The following PHACTR3 variants were observed in gnomAD, a reference collection of about 807,000 sequenced individuals.
PHACTR3 encodes the protein protein phosphatase 1, regulatory subunit 123.
In PHACTR3, 16 loss-of-function variants were observed where a neutral mutation model predicts 66.8. The observed-to-expected ratio is 0.24, with a 90% CI of 0.16 to 0.36. PHACTR3 has a LOEUF of 0.36. Ranked by LOEUF, PHACTR3 falls within the 10% of genes least tolerant of loss-of-function variation. The pLI, the probability that PHACTR3 is intolerant of heterozygous loss-of-function variation, is 1.00. For missense variants in PHACTR3, 647 were observed against 719.9 expected (o/e 0.90, Z 1.16); for synonymous variants, 323 against 292.1 (o/e 1.11, Z -1.08).
At chr20:59,776,380 C>T (rs990117516) in intron 7 of PHACTR3, among the ~76,000 whole-genome samples, 12 of 152,190 alleles carry the variant, frequency 7.9e-5, no homozygotes, top group South Asian at 2.1e-4. Flanking sequence ...AGGCTGCCAG[C>T]GCCAGCTTTC....
At chr20:59,727,257 G>T (rs1346785445) in intron 1 of PHACTR3, among the ~76,000 whole-genome samples, 1 of 152,110 alleles carries the variant, frequency 6.6e-6, no homozygotes, top group African/African-American at 2.4e-5. Flanking sequence ...CCACACTGTA[G>T]CAGGTGTCCA....
chr20:59,690,284 C>T (rs953010433), intron 1 of PHACTR3, among the ~76,000 whole-genome samples: 1 of 152,192 alleles, frequency 6.6e-6, no homozygotes, highest in Non-Finnish European at 1.5e-5. Flanking sequence ...CCAGCTCATC[C>T]TCTCATCTTA....
At chr20:59,750,521 A>C (rs952674365) in intron 3 of PHACTR3, among the ~76,000 whole-genome samples, 2 of 152,028 alleles carry the variant, frequency 1.3e-5, no homozygotes, top group Non-Finnish European at 2.9e-5. Context: ...AGGGACCTTG[A>C]GATGGTGGGT....
intron 1 of PHACTR3, among the ~76,000 whole-genome samples, chr20:59,714,711 C>A (rs1369891168): frequency 6.6e-6 from 1 of 152,190 alleles, no homozygotes; most frequent in African/African-American, 2.4e-5. Context: ...TACACACATA[C>A]ACATAAACCT....
At chr20:59,802,262 C>T (rs2041434873) in intron 7 of PHACTR3, among the ~76,000 whole-genome samples, 1 of 152,058 alleles carries the variant, frequency 6.6e-6, no homozygotes, top group South Asian at 2.1e-4. Flanking sequence ...TGTCATGGGA[C>T]ACAGGAGGTC....
At chr20:59,671,094 CCTT>C (rs1057288930) in intron 1 of PHACTR3, among the ~76,000 whole-genome samples, 6 of 152,194 alleles carry the variant, frequency 3.9e-5, no homozygotes, top group East Asian at 1.9e-4. Flanking sequence ...ATGTGGTTCT[CCTT>C]CTGTTTATTC....
intron 1 of PHACTR3, among the ~76,000 whole-genome samples, chr20:59,710,938 G>T (rs1262394174): frequency 6.6e-6 from 1 of 152,014 alleles, no homozygotes. Context: ...TAAAAGTATT[G>T]CACACTCATT....
At position 59,721,603 on chromosome 20, in the gene PHACTR3, G is replaced by A. The variant is rs6100568; in HGVS notation, c.119-21504G>A. ...AAGGGGGTTCTAGAAGGCAAAGTGC[G>A]TGTAAAGTTCTTGAAACTAGAGATA... On this transcript the variant is annotated intron_variant, in intron 1 of 12. Transcript: ENST00000371015. Among the ~76,000 whole-genome samples, 4,974 of 152,244 alleles carry A rather than the reference G, an allele frequency of 0.033. 268 individuals carry two copies. Among genetic ancestry groups the A allele is most frequent in the African/African-American group, 0.11 (4,696 of 41,512 alleles).
At chr20:59,780,643 A>G (rs1223951733) in intron 7 of PHACTR3, among the ~76,000 whole-genome samples, 1 of 152,142 alleles carries the variant, frequency 6.6e-6, no homozygotes, top group Non-Finnish European at 1.5e-5. Context: ...GGACACAAAC[A>G]TCTGGCCCCT....
chr20:59,723,919 T>C (rs1416016152), intron 1 of PHACTR3, among the ~76,000 whole-genome samples: 1 of 152,042 alleles, frequency 6.6e-6, no homozygotes, highest in Non-Finnish European at 1.5e-5. Flanking sequence ...TGACTCGATG[T>C]TGAATTATTT....
intron 7 of PHACTR3, among the ~76,000 whole-genome samples, chr20:59,801,601 T>G (rs1054126641): frequency 3.3e-5 from 5 of 152,238 alleles, no homozygotes; most frequent in Admixed American, 3.3e-4. Flanking sequence ...GAAGTCCCTT[T>G]CTGGCACACT....
At chr20:59,743,990 C>T (rs1327671493) in intron 2 of PHACTR3, among the ~76,000 whole-genome samples, 2 of 152,210 alleles carry the variant, frequency 1.3e-5, no homozygotes, top group African/African-American at 4.8e-5. Flanking sequence ...TCCCGTTGCC[C>T]CCGCCTCCTC....
At chr20:59,596,582 GC>G (rs2033330838) in intron 1 of PHACTR3, among the ~76,000 whole-genome samples, 2 of 152,186 alleles carry the variant, frequency 1.3e-5, no homozygotes, top group Non-Finnish European at 2.9e-5. Context: ...TCAATTTAAT[GC>G]CTGCTCAAAT....
intron 1 of PHACTR3, among the ~76,000 whole-genome samples, chr20:59,635,455 A>G (rs554369659): frequency 6.6e-6 from 1 of 151,646 alleles, no homozygotes; most frequent in East Asian, 2.0e-4. Context: ...GCTGGTCGTG[A>G]ACTCCTGACC....
chr20:59,604,313 G>A (rs2033578284), upstream of PHACTR3, among the ~76,000 whole-genome samples: 1 of 152,106 alleles, frequency 6.6e-6, no homozygotes, highest in South Asian at 2.1e-4. Flanking sequence ...GAGGAAACGG[G>A]ACTAGGAAGC....
At chr20:59,674,498 CT>C (rs1235945704) in intron 1 of PHACTR3, among the ~76,000 whole-genome samples, 2 of 127,372 alleles carry the variant, frequency 1.6e-5, no homozygotes, top group Non-Finnish European at 3.2e-5. Flanking sequence ...CGTTCCCCTT[CT>C]CCTGTTCCCC....
intron 8 of PHACTR3, among the ~76,000 whole-genome samples, chr20:59,816,340 A>T (rs1161155559): frequency 6.6e-6 from 1 of 152,234 alleles, no homozygotes; most frequent in Non-Finnish European, 1.5e-5. Flanking sequence ...AGGTTGCCCC[A>T]GATGGGTACT....
At position 59,799,515 on chromosome 20, in the gene PHACTR3, A is replaced by G. The variant is rs2041351547; in HGVS notation, c.1175-6526A>G. Among the ~76,000 whole-genome samples the G allele has an allele frequency of 2.0e-5, 3 of 152,124 alleles. No homozygotes were observed. In the South Asian group the frequency reaches 6.2e-4, roughly 31 times the overall value. On this transcript the variant is annotated intron_variant, in intron 7 of 12. Transcript: ENST00000371015. Reference sequence around the variant, plus strand: ...CTCCTGATGAAGGTATCTCTTTACCATTATAAGATGACCCTTTTCAAAGAA... The same window carrying G: ...CTCCTGATGAAGGTATCTCTTTACCGTTATAAGATGACCCTTTTCAAAGAA...
At chr20:59,656,690 A>C (rs888097406) in intron 1 of PHACTR3, among the ~76,000 whole-genome samples, 1 of 151,558 alleles carries the variant, frequency 6.6e-6, no homozygotes, top group African/African-American at 2.4e-5. Context: ...TTCATTTTCT[A>C]TATCTCTCAT....
Sources: gnomAD v4.1 joint callset for allele counts (sites outside exome capture counted in the v4.1 genomes callset) on GRCh38, gnomAD v4.1.1 for gene constraint, MANE v1.5 for transcripts, NCBI Gene and HGNC (gene_info 2026-07-23, HGNC 2026-07-21) for gene names.